PTPRD: variants seen among roughly 807,000 people sequenced by gnomAD.
PTPRD encodes the protein receptor-type tyrosine-protein phosphatase delta.
PTPRD carries 34 observed loss-of-function variants against 214.5 expected under a neutral mutation model. The ratio of observed to expected loss-of-function variants is 0.16; its 90% CI spans 0.12 to 0.21. The LOEUF is 0.21. Among genes scored for constraint, PTPRD ranks in the 10% least tolerant of loss-of-function variants. The pLI, the probability that PTPRD is intolerant of heterozygous loss-of-function variation, is 1.00. For missense variants in PTPRD, 2,545 were observed against 2,398.7 expected (o/e 1.06, Z -1.27); for synonymous variants, 1,128 against 845.7 (o/e 1.33, Z -5.79).
At chr9:9,032,186 A>G (rs1039256331) in intron 10 of PTPRD, among the ~76,000 whole-genome samples, 1 of 152,044 alleles carries the variant, frequency 6.6e-6, no homozygotes, top group Admixed American at 6.6e-5. Flanking sequence ...CTACAGCTCA[A>G]CAAAGCCCCT....
intron 9 of PTPRD, among the ~76,000 whole-genome samples, chr9:9,353,803 T>G (rs1722024037): frequency 6.6e-6 from 1 of 151,882 alleles, no homozygotes; most frequent in African/African-American, 2.4e-5. Flanking sequence ...AACAACACCC[T>G]TTTATTAGTT....
At chr9:8,795,145 CT>C (rs1382144556) in intron 11 of PTPRD, among the ~76,000 whole-genome samples, 6 of 151,924 alleles carry the variant, frequency 3.9e-5, no homozygotes, top group African/African-American at 1.2e-4. Flanking sequence ...TCATCCACCC[CT>C]ATGTTTATTT....
At chr9:10,241,626 C>G (rs1039701473) in intron 3 of PTPRD, among the ~76,000 whole-genome samples, 3 of 151,806 alleles carry the variant, frequency 2.0e-5, no homozygotes. Flanking sequence ...ATATAAAATT[C>G]TATTAAGTGC....
chr9:8,519,382 C>G (rs1300100430), intron 20 of PTPRD, among the ~76,000 whole-genome samples: 1 of 152,162 alleles, frequency 6.6e-6, no homozygotes, highest in Non-Finnish European at 1.5e-5. Flanking sequence ...TTGCTGACCT[C>G]ATATTCAAGT....
intron 9 of PTPRD, among the ~76,000 whole-genome samples, chr9:9,265,402 T>C (rs1287444124): frequency 6.6e-6 from 1 of 151,504 alleles, no homozygotes; most frequent in African/African-American, 2.4e-5. Flanking sequence ...TACAGGCACA[T>C]ACCACCACAC....
intron 3 of PTPRD, among the ~76,000 whole-genome samples, chr9:10,312,745 C>T (rs963764834): frequency 4.0e-5 from 6 of 151,726 alleles, no homozygotes; most frequent in African/African-American, 1.2e-4. Context: ...TAGCAAGTCA[C>T]CCAAAAAACA....
At chr9:9,214,681 C>A (rs1052856153) in intron 9 of PTPRD, among the ~76,000 whole-genome samples, 12 of 152,120 alleles carry the variant, frequency 7.9e-5, no homozygotes, top group African/African-American at 2.6e-4. Context: ...GATAAAAACG[C>A]CAATATTTTT....
intron 11 of PTPRD, among the ~76,000 whole-genome samples, chr9:8,907,937 A>C (rs182979026): frequency 5.3e-5 from 8 of 152,274 alleles, no homozygotes; most frequent in Admixed American, 5.2e-4. Flanking sequence ...CTATCAACAG[A>C]TCCAGGAAGC....
chr9:8,881,623 G>T (rs1024169570), intron 11 of PTPRD, among the ~76,000 whole-genome samples: 1 of 152,198 alleles, frequency 6.6e-6, no homozygotes, highest in Non-Finnish European at 1.5e-5. Flanking sequence ...TTTTCTAAAA[G>T]TGTGGAAGCA....
At chr9:9,241,338 A>G (rs916609990) in intron 9 of PTPRD, among the ~76,000 whole-genome samples, 4 of 152,202 alleles carry the variant, frequency 2.6e-5, no homozygotes, top group African/African-American at 9.6e-5. Flanking sequence ...ATTATTTGTG[A>G]GTATTCTCAT....
At chr9:9,323,124 G>A (rs1000178090) in intron 9 of PTPRD, among the ~76,000 whole-genome samples, 1 of 152,068 alleles carries the variant, frequency 6.6e-6, no homozygotes, top group Admixed American at 6.6e-5. Context: ...TCAGAATGAT[G>A]TATTTGTGAA....
intron 5 of PTPRD, among the ~76,000 whole-genome samples, chr9:9,841,011 C>A (rs1411949534): frequency 2.0e-5 from 3 of 151,974 alleles, no homozygotes; most frequent in Non-Finnish European, 4.4e-5. Flanking sequence ...CATGCTTTAG[C>A]AGGAAGTTGT....
chr9:9,436,618 A>T (rs1173154905), intron 8 of PTPRD, among the ~76,000 whole-genome samples: 3 of 152,054 alleles, frequency 2.0e-5, no homozygotes, highest in Admixed American at 6.6e-5. Context: ...TAGTACTCTT[A>T]TACAAAGGCA....
At chr9:8,489,549 A>C (rs1350519773) in intron 27 of PTPRD, among the ~76,000 whole-genome samples, 1 of 152,204 alleles carries the variant, frequency 6.6e-6, no homozygotes, top group East Asian at 1.9e-4. Context: ...AGCTTGGGGA[A>C]GAACACCCAA....
chr9:10,319,783 G>T (rs12001710), intron 3 of PTPRD, among the ~76,000 whole-genome samples: 1 of 151,902 alleles, frequency 6.6e-6, no homozygotes, highest in Non-Finnish European at 1.5e-5. Context: ...GAGAGATCAC[G>T]AGAGACAGCT....
intron 7 of PTPRD, among the ~76,000 whole-genome samples, chr9:9,593,877 G>C (rs942742428): frequency 2.6e-5 from 4 of 151,986 alleles, no homozygotes; most frequent in African/African-American, 9.7e-5. Flanking sequence ...CACCCCTCAT[G>C]ACTTACTTCA....
intron 14 of PTPRD, among the ~76,000 whole-genome samples, chr9:8,614,952 G>C (rs1194231611): frequency 1.3e-5 from 2 of 152,114 alleles, no homozygotes; most frequent in Non-Finnish European, 2.9e-5. Flanking sequence ...TTAAAGAAAG[G>C]AGAGCCCACT....
intron 14 of PTPRD, among the ~76,000 whole-genome samples, chr9:8,608,232 T>C (rs1219421497): frequency 1.3e-5 from 2 of 152,198 alleles, no homozygotes; most frequent in Non-Finnish European, 2.9e-5. Context: ...GTTGAACTAA[T>C]TCAAGTTCCA....
intron 7 of PTPRD, among the ~76,000 whole-genome samples, chr9:9,670,043 A>G (rs1272141705): frequency 1.3e-5 from 2 of 152,210 alleles, no homozygotes; most frequent in Admixed American, 1.3e-4. Flanking sequence ...TAAAACTTTA[A>G]TCAGCTAACA....
Sources: allele counts gnomAD v4.1 joint callset (sites outside exome capture counted in the v4.1 genomes callset), GRCh38; gene constraint gnomAD v4.1.1; transcripts MANE v1.5; gene names NCBI Gene and HGNC (gene_info 2026-07-23, HGNC 2026-07-21).